The following RYR3 variants were observed in gnomAD, a reference collection of about 807,000 sequenced individuals.
RYR3 encodes the protein ryanodine receptor 3, also known as brain ryanodine receptor-calcium release channel.
RYR3 carries 207 observed loss-of-function variants against 584.3 expected under a neutral mutation model. The ratio of observed to expected loss-of-function variants is 0.35; its 90% CI spans 0.32 to 0.40. The LOEUF (loss-of-function observed/expected upper bound fraction) is 0.40. Ranked by LOEUF, RYR3 falls within the 10% of genes least tolerant of loss-of-function variation. RYR3 has a pLI of 1.00. For synonymous variants in RYR3, 2,416 were observed against 2,248.5 expected, an observed-to-expected ratio of 1.07 and a Z score of -2.11; for missense variants, 5,616 against 6,089.2, an observed-to-expected ratio of 0.92 and a Z score of 2.59.
intron 16 of RYR3, among the ~76,000 whole-genome samples, chr15:33,598,656 C>A (rs1441335143): frequency 1.3e-5 from 2 of 152,038 alleles, no homozygotes; most frequent in African/African-American, 4.8e-5. Flanking sequence ...CTCATCTTCC[C>A]TGTTGGAAGC....
At position 33,629,977 on chromosome 15, in the gene RYR3, T is replaced by C; in HGVS notation, c.2717T>C (p.Val906Ala). 6.2e-7 allele frequency: 1 copy of C among 1,607,032 alleles called. No homozygotes were observed. The highest frequency in any genetic ancestry group is 2.2e-5 in the East Asian group (1 of 44,800). Residue 906 changes from valine to alanine, a missense_variant, in exon 22 of 104, where the codon GTG becomes GCG. Transcript: ENST00000634891. The stretch of plus-strand genomic sequence containing the variant: ...AATAAAAGACAACACCCTTGCCTTG[T>C]GGAGTTTTCAAAGCTCCCAGAAACT... ...DDNKRQHPCL[V>A]EFSKLPETEK...
At chr15:33,755,895 A>G (rs1258873064) in intron 58 of RYR3, among the ~76,000 whole-genome samples, 3 of 151,856 alleles carry the variant, frequency 2.0e-5, no homozygotes, top group Non-Finnish European at 4.4e-5. Flanking sequence ...TCAGCCTCCC[A>G]AGTAGCTGGA....
chr15:33,674,910 T>G (rs1173546693), intron 38 of RYR3, among the ~76,000 whole-genome samples: 7 of 104,518 alleles, frequency 6.7e-5, no homozygotes, highest in Admixed American at 5.7e-4. Flanking sequence ...TGGGTCAGAA[T>G]GGAAAAAAAA....
chr15:33,626,045 CTGG>C (rs1192594476), intron 20 of RYR3, among the ~76,000 whole-genome samples: 1 of 152,212 alleles, frequency 6.6e-6, no homozygotes, highest in Non-Finnish European at 1.5e-5. Flanking sequence ...TGCAGGGCTG[CTGG>C]TGCCCAAGCA....
chr15:33,340,637 C>T (rs1057286750), intron 1 of RYR3, among the ~76,000 whole-genome samples: 2 of 152,150 alleles, frequency 1.3e-5, no homozygotes, highest in Non-Finnish European at 2.9e-5. Context: ...TTCTCTTGCA[C>T]ACAGGTCCTT....
At chr15:33,493,993 A>G (rs2142550609) in intron 2 of RYR3, among the ~76,000 whole-genome samples, 1 of 152,292 alleles carries the variant, frequency 6.6e-6, no homozygotes, top group East Asian at 1.9e-4. Context: ...TGAGTTACTA[A>G]ACCTTCCTCC....
At chr15:33,805,469 C>CTTTTTTTTTTT (rs61113827) in intron 69 of RYR3, among the ~76,000 whole-genome samples, 2 of 138,294 alleles carry the variant, frequency 1.4e-5, no homozygotes, top group African/African-American at 2.7e-5. Flanking sequence ...TTTTCTCTCT[C>CTTTTTTTTTTT]TTTTTTTTTT....
In RYR3 at chr15:33,562,948, C is replaced by T; in HGVS notation, c.1084C>T (p.Leu362=). 1.2e-6 allele frequency: 2 copies of T among 1,613,626 alleles called. No homozygotes were observed. Among genetic ancestry groups the T allele is most frequent in the Non-Finnish European group, 1.7e-6 (2 of 1,179,674 alleles). Residue 362 remains leucine (L), a synonymous_variant, in exon 11 of 104, where the codon CTG becomes TTG. Transcript: ENST00000634891. Reference sequence around the variant, plus strand: ...CTTTGTGCAGCATATAGCCAGTGGTCTGTGGGTGACCTACAAAGCACAAGA... The same window carrying T: ...CTTTGTGCAGCATATAGCCAGTGGTTTGTGGGTGACCTACAAAGCACAAGA... The part of the protein sequence containing the change: ...VCFVQHIASG[L]WVTYKAQDAK...
intron 4 of RYR3, among the ~76,000 whole-genome samples, chr15:33,532,219 C>T (rs1356256337): frequency 1.3e-5 from 2 of 152,110 alleles, no homozygotes; most frequent in Non-Finnish European, 2.9e-5. Flanking sequence ...GCAGCTATGC[C>T]CATCAGTGAA....
chr15:33,397,418 C>T (rs1370949348), intron 1 of RYR3, among the ~76,000 whole-genome samples: 2 of 152,188 alleles, frequency 1.3e-5, no homozygotes, highest in Admixed American at 6.5e-5. Flanking sequence ...CAACTAGGCC[C>T]TATGCATCAA....
chr15:33,750,045 G>A lies in RYR3; in HGVS notation c.8266G>A (p.Glu2756Lys), dbSNP rs2071127275. 6.2e-7 allele frequency: 1 copy of A among 1,611,630 alleles called. No homozygotes were observed. Among genetic ancestry groups the A allele is most frequent in the Non-Finnish European group, 8.5e-7 (1 of 1,179,064 alleles). Residue 2756 changes from glutamate (E) to lysine (K), a missense_variant, in exon 56 of 104, where the codon GAG (glutamate) becomes AAG (lysine). Transcript: ENST00000634891. ...GGCCAAGAAGAAGAAGCTGGAGCTGGAGAGCAAAGGTGAGTGAGGTTCACA... is the reference window on the plus strand; with the variant it reads ...GGCCAAGAAGAAGAAGCTGGAGCTGAAGAGCAAAGGTGAGTGAGGTTCACA... ...IWAKKKKLEL[E>K]SKGGGSHPLL...
intron 96 of RYR3, 130 bp from the exon 97 acceptor site, chr15:33,854,259 C>A (rs941534380): frequency 1.6e-5 from 11 of 695,934 alleles, no homozygotes; most frequent in Middle Eastern, 3.3e-4. Context: ...GGAGCACATA[C>A]AACTTGATAA....
intron 19 of RYR3, among the ~76,000 whole-genome samples, chr15:33,617,391 G>A (rs1171441777): frequency 3.3e-5 from 5 of 150,628 alleles, no homozygotes; most frequent in East Asian, 2.0e-4. Flanking sequence ...CAGCCTGGGC[G>A]ACAGAGTGAG....
intron 38 of RYR3, among the ~76,000 whole-genome samples, chr15:33,680,338 C>A (rs769795216): frequency 2.0e-5 from 3 of 152,158 alleles, no homozygotes. Flanking sequence ...GGTAGAATAG[C>A]CATTAACAGA....
intron 80 of RYR3, among the ~76,000 whole-genome samples, chr15:33,822,328 G>C (rs919125037): frequency 1.3e-5 from 2 of 152,106 alleles, no homozygotes; most frequent in African/African-American, 4.8e-5. Context: ...ACAGACCCTT[G>C]GCATTCATAA....
chr15:33,581,093 G>A (rs940722220), intron 13 of RYR3, among the ~76,000 whole-genome samples: 5 of 152,212 alleles, frequency 3.3e-5, no homozygotes, highest in South Asian at 4.2e-4. Context: ...TTGTGCATCT[G>A]AATGGAACTT....
intron 38 of RYR3, among the ~76,000 whole-genome samples, chr15:33,693,432 G>T (rs1189858861): frequency 1.3e-5 from 2 of 152,244 alleles, no homozygotes; most frequent in African/African-American, 2.4e-5. Flanking sequence ...TGTGCCTGGG[G>T]CTACAGCGGC....
intron 42 of RYR3, among the ~76,000 whole-genome samples, chr15:33,702,809 C>CA (rs2066403191): frequency 6.6e-6 from 1 of 151,700 alleles, no homozygotes; most frequent in Non-Finnish European, 1.5e-5. Context: ...AAGGCACCAA[C>CA]AAAAAACAGG....
At chr15:33,375,859 T>C (rs1433958957) in intron 1 of RYR3, among the ~76,000 whole-genome samples, 1 of 152,080 alleles carries the variant, frequency 6.6e-6, no homozygotes, top group Non-Finnish European at 1.5e-5. Context: ...GGTCAGGAGA[T>C]TGAGACCATC....
Sources: gnomAD v4.1 joint callset for allele counts (sites outside exome capture counted in the v4.1 genomes callset) on GRCh38, gnomAD v4.1.1 for gene constraint, MANE v1.5 for transcripts, NCBI Gene and HGNC (gene_info 2026-07-23, HGNC 2026-07-21) for gene names.